MYH3: variants seen among roughly 807,000 people sequenced by gnomAD.
MYH3 encodes the protein myosin-3.
MYH3 carries 130 observed loss-of-function variants against 238.0 expected under a neutral mutation model. The ratio of observed to expected loss-of-function variants is 0.55; its 90% confidence interval spans 0.47 to 0.63. The LOEUF is 0.63. Ranked by LOEUF, MYH3 falls within the 30% of genes least tolerant of loss-of-function variation. MYH3 has a pLI of 0.00. For missense variants in MYH3, 1,853 were observed against 2,374.9 expected (o/e 0.78, Z 4.57); for synonymous variants, 880 against 924.1 (o/e 0.95, Z 0.86).
the MYH3 span, among the ~76,000 whole-genome samples, chr17:10,663,091 T>C: frequency 8.5e-4 from 128 of 150,682 alleles, no homozygotes; most frequent in Non-Finnish European, 1.4e-3. Flanking sequence ...CATCTCAAAA[T>C]AAAATAAAGT....
upstream of MYH3, among the ~76,000 whole-genome samples, chr17:10,661,441 G>C: frequency 6.6e-6 from 1 of 152,016 alleles, no homozygotes; most frequent in Non-Finnish European, 1.5e-5. Flanking sequence ...AGATGACTTA[G>C]TGGCATATTA....
intron 4 of MYH3, 172 bp downstream of exon 4, chr17:10,652,248 C>A: frequency 1.2e-6 from 1 of 826,264 alleles, no homozygotes; most frequent in East Asian, 2.7e-5. Context: ...TCTTCCTGCC[C>A]CATCCACCTC....
Position 10,654,839 on chromosome 17 carries a change from T to C in MYH3, c.204+22A>G, listed in dbSNP as rs776329611. Reference sequence around the variant, plus strand: ...AGGACCAGGTGGAGGGCCAGCAGCCTGTGGAGGGTACAGAGCCTTACCCTG... The same window carrying C: ...AGGACCAGGTGGAGGGCCAGCAGCCCGTGGAGGGTACAGAGCCTTACCCTG... On this transcript the variant is annotated intron_variant, in intron 3 of 40. Transcript: ENST00000583535. This position sits in a 1 kb window ranked among gnomAD's most constrained non-coding sequence, Gnocchi z 4.5. 1.5e-5 allele frequency: 24 copies of C among 1,611,056 alleles called. No individual in the cohort carries two copies. The highest frequency in any genetic ancestry group is 2.0e-5 in the Non-Finnish European group (24 of 1,177,320).
rs972527337 is a variant in MYH3 at position 10,649,508 on chromosome 17, C to T, written c.642+69G>A. On this transcript the variant is annotated intron_variant, in intron 7 of 40. Coordinates refer to ENST00000583535, the MANE Select transcript of MYH3 (RefSeq NM_002470.4). Reference sequence around the variant, plus strand: ...AGGGGGGAATGTGAGGACATTTGGCCCCCTCATTCTGAGGTTAAGACCACA... The same window carrying T: ...AGGGGGGAATGTGAGGACATTTGGCTCCCTCATTCTGAGGTTAAGACCACA... The T allele has an allele frequency of 8.1e-6, 10 of 1,229,704 alleles. No homozygotes were observed. The Middle Eastern group carries it at 1.9e-3, about 231-fold the overall frequency. 76.2% of individuals were successfully genotyped at this position (1,229,704 alleles called of 1,614,324 possible). A position where few individuals can be genotyped will look rare whatever the true frequency, so the allele number is the denominator to read the frequency against.
chr17:10,638,335 T>A lies in MYH3; in HGVS notation c.3437A>T (p.Glu1146Val). 4 of 1,611,358 alleles carry A rather than the reference T, an allele frequency of 2.5e-6. No homozygotes were observed. The highest frequency in any genetic ancestry group is 3.4e-6 in the Non-Finnish European group (4 of 1,179,966). ...QRSDYARELE[E>V]LSERLEEAGG... Reference sequence around the variant, plus strand: ...CGCCTCCTCCAGCCGCTCGCTCAGCTCCTCCAGCTCCCGGGCATAGTCGCT... The same window carrying A: ...CGCCTCCTCCAGCCGCTCGCTCAGCACCTCCAGCTCCCGGGCATAGTCGCT... The change falls in exon 27 of 41, where the codon GAG becomes GTG. Residue 1146 changes from glutamate (E) to valine (V), a missense_variant. Coordinates refer to ENST00000583535, the MANE Select transcript of MYH3 (RefSeq NM_002470.4).
chr17:10,652,842 C>T (rs1013093269), intron 3 of MYH3, among the ~76,000 whole-genome samples: 5 of 151,852 alleles, frequency 3.3e-5, no homozygotes, highest in South Asian at 2.1e-4. Flanking sequence ...AGGATGGTCT[C>T]GATCTCCTGA....
upstream of MYH3, among the ~76,000 whole-genome samples, chr17:10,659,316 T>A (rs934030589): frequency 6.6e-6 from 1 of 152,216 alleles, no homozygotes; most frequent in South Asian, 2.1e-4. Context: ...GCTGATGGCT[T>A]CTCGCCTGGC....
intron 17 of MYH3, 89 bp from the exon 18 acceptor site, chr17:10,641,461 A>G: frequency 1.0e-6 from 1 of 1,003,234 alleles, no homozygotes; most frequent in Non-Finnish European, 1.6e-6. Flanking sequence ...ATCTATGTTT[A>G]AAATTTATCA....
At chr17:10,665,072 G>A in the MYH3 span, among the ~76,000 whole-genome samples, 2 of 152,234 alleles carry the variant, frequency 1.3e-5, no homozygotes, top group Non-Finnish European at 2.9e-5. Flanking sequence ...TAGAAGAAAG[G>A]TGGCCAATTT....
At position 10,638,982 on chromosome 17, in the gene MYH3, A is replaced by G; in HGVS notation, c.3249-19T>C. The G allele has an allele frequency of 1.2e-6, 2 of 1,614,152 alleles. No homozygotes were observed. The highest frequency in any genetic ancestry group is 1.7e-6 in the Non-Finnish European group (2 of 1,179,980). On this transcript the variant is annotated intron_variant, in intron 25 of 40. Transcript: ENST00000583535. Reference sequence around the variant, plus strand: ...ATCTTTCCTGTGAAGAGAAATGTAGAATGCATGAAGACAAAATACACAGTA... The same window carrying G: ...ATCTTTCCTGTGAAGAGAAATGTAGGATGCATGAAGACAAAATACACAGTA...
chr17:10,638,356 T>A lies in MYH3; in HGVS notation c.3416A>T (p.Asp1139Val). The change falls in exon 27 of 41, where the codon GAC (aspartate) becomes GTC (valine). Residue 1139 changes from aspartate (D) to valine (V), a missense_variant. By Grantham distance (152) the Asp-to-Val change is radical. Around this residue, in one of 3 missense-constraint regions of MYH3, gnomAD observed 1,044 missense variants for 1,192.6 expected, o/e 0.88. Transcript: ENST00000583535. ...TRAKTEKQRSDYARELEELSE... is the reference protein window; with the variant it reads ...TRAKTEKQRSVYARELEELSE... Reference sequence around the variant, plus strand: ...CAGCTCCTCCAGCTCCCGGGCATAGTCGCTGCGCTGTTTCTCTGTCTTCGC... The same window carrying A: ...CAGCTCCTCCAGCTCCCGGGCATAGACGCTGCGCTGTTTCTCTGTCTTCGC... 1.9e-6 allele frequency: 3 copies of A among 1,608,986 alleles called. No individual in the cohort carries two copies. The highest frequency in any genetic ancestry group is 2.5e-6 in the Non-Finnish European group (3 of 1,179,954).
rs142808582 is a variant in MYH3, at chr17:10,644,671, C to G, written c.1173G>C (p.Leu391=). Residue 391 remains leucine (L), a synonymous_variant, in exon 13 of 41, where the codon CTG becomes CTC. Coordinates refer to ENST00000583535, the MANE Select transcript of MYH3 (RefSeq NM_002470.4). The part of the protein sequence containing the change: ...VADKTAYLMG[L]NSSDLLKALC... ...AAGCTTTTAGGAGGTCCGAAGAGTT[C>G]AGGCCCATCAGATAGGCTGTTTTGT... is the stretch of plus-strand genomic sequence containing the variant. The G allele has an allele frequency of 6.2e-7, 1 of 1,613,858 alleles. No individual in the cohort carries two copies. The highest frequency in any genetic ancestry group is 8.5e-7 in the Non-Finnish European group (1 of 1,180,032).
chr17:10,659,839 C>T (rs2074467320), upstream of MYH3, among the ~76,000 whole-genome samples: 1 of 152,182 alleles, frequency 6.6e-6, no homozygotes, highest in African/African-American at 2.4e-5. Context: ...GGGCCAGCGT[C>T]AGGGATAGAG....
intron 32 of MYH3, 127 bp downstream of exon 32, chr17:10,633,890 A>G: frequency 6.8e-7 from 1 of 1,473,694 alleles, no homozygotes; most frequent in South Asian, 1.1e-5. Flanking sequence ...GATGGTGAAC[A>G]CTTTCTGCAT....
intron 17 of MYH3, among the ~76,000 whole-genome samples, chr17:10,641,856 A>T (rs908103664): frequency 7.2e-4 from 109 of 152,172 alleles, no homozygotes; most frequent in African/African-American, 2.4e-3. Context: ...GGTGTAGGCT[A>T]GTAACTGATA....
chr17:10,650,107 G>A (rs2074360861), intron 6 of MYH3, among the ~76,000 whole-genome samples: 2 of 152,044 alleles, frequency 1.3e-5, no homozygotes, highest in Non-Finnish European at 2.9e-5. Context: ...GAGTAGCTGT[G>A]ACTACAGGTG....
At chr17:10,634,424 A>G (rs1396785811) in intron 31 of MYH3, among the ~76,000 whole-genome samples, 1 of 152,204 alleles carries the variant, frequency 6.6e-6, no homozygotes. Flanking sequence ...TTAGCTGGGC[A>G]TAATTGTCCT....
the MYH3 span, chr17:10,676,431 G>A: frequency 6.6e-6 from 1 of 152,172 alleles, no homozygotes; most frequent in African/African-American, 2.4e-5. Flanking sequence ...GTCTCTTTCA[G>A]AGGCACATGC....
Position 10,639,401 on chromosome 17 carries a change from A to T in MYH3, c.2999T>A (p.Leu1000His). ...IAKLTREKKA[L>H]QEAHQQALDD... is the part of the protein sequence containing the mutation. ...CAAGGCCTGCTGGTGCGCCTCTTGG[A>T]GGGCCTTCTTCTCTCTGGTTAACTT... Residue 1000 changes from leucine to histidine, a missense_variant, in exon 24 of 41, where the codon CTC becomes CAC. This residue lies in a region of MYH3 where 1,044 missense variants were observed against 1,192.6 expected (regional missense o/e 0.88). Coordinates refer to ENST00000583535, the MANE Select transcript of MYH3 (RefSeq NM_002470.4). 6.2e-7 allele frequency: 1 copy of T among 1,614,128 alleles called. No individual in the cohort carries two copies. The highest frequency in any genetic ancestry group is 8.5e-7 in the Non-Finnish European group (1 of 1,180,010).
Sources: gnomAD v4.1 joint callset for allele counts (sites outside exome capture counted in the v4.1 genomes callset) on GRCh38, gnomAD v4.1.1 for gene constraint, gnomAD v4.1.1 regional missense constraint, Gnocchi (gnomAD v3.1) non-coding constraint, MANE v1.5 for transcripts, NCBI Gene and HGNC (gene_info 2026-07-23, HGNC 2026-07-21) for gene names.